Variants in TANC1 observed in about 807,000 individuals in gnomAD.
TANC1 encodes protein TANC1.
In TANC1, 77 loss-of-function variants were observed where a neutral mutation model predicts 149.7. That is an observed-to-expected ratio of 0.51 (90% CI 0.43 to 0.62). The LOEUF is 0.62. Ranked by LOEUF, TANC1 falls within the 20% of genes least tolerant of loss-of-function variation. TANC1 has a pLI of 0.00. For synonymous variants in TANC1, 854 were observed against 925.0 expected, an observed-to-expected ratio of 0.92 and a Z score of 1.39; for missense variants, 1,985 against 2,321.8, an observed-to-expected ratio of 0.85 and a Z score of 2.98.
intron 1 of TANC1, among the ~76,000 whole-genome samples, chr2:158,989,082 A>G (rs964697301): frequency 6.6e-6 from 1 of 152,092 alleles, no homozygotes; most frequent in Admixed American, 6.5e-5. Flanking sequence ...ACACTGGGGG[A>G]AATAAGCCTC....
chr2:159,149,657 G>T, intron 6 of TANC1: 1 of 221,412 alleles, frequency 4.5e-6, no homozygotes, highest in Non-Finnish European at 9.0e-6. Context: ...GATTTTGGAG[G>T]GTCAGTGGGG....
In TANC1 at chr2:159,176,436, C is replaced by A. The variant is rs779235541; in HGVS notation, c.1820C>A (p.Thr607Lys). The part of the protein sequence containing the change: ...AEFHKPDYGD[T>K]LSSFITKIIS... Reference sequence around the variant, plus strand: ...TTTCATAAACCTGATTATGGAGATACGCTTTCTTCATTTATTACCAAAATT... The same window carrying A: ...TTTCATAAACCTGATTATGGAGATAAGCTTTCTTCATTTATTACCAAAATT... The change falls in exon 13 of 27, where the codon ACG (threonine) becomes AAG (lysine). Residue 607 changes from threonine to lysine, a missense_variant. Around this residue, in one of 3 missense-constraint regions of TANC1, gnomAD observed 508 missense variants for 714.2 expected, o/e 0.71. Coordinates refer to ENST00000263635, the MANE Select transcript of TANC1 (RefSeq NM_033394.3). The A allele has an allele frequency of 6.3e-7, 1 of 1,591,880 alleles. No individual in the cohort carries two copies. The highest frequency in any genetic ancestry group is 2.3e-5 in the East Asian group (1 of 44,222).
intron 14 of TANC1, 59 bp downstream of exon 14, chr2:159,179,222 G>A: frequency 6.5e-7 from 1 of 1,545,898 alleles, no homozygotes; most frequent in Non-Finnish European, 8.7e-7. Flanking sequence ...GTTGGGGAAA[G>A]GATTTAAATG....
chr2:159,158,598 A>G (rs1449062063), intron 7 of TANC1, among the ~76,000 whole-genome samples: 2 of 152,232 alleles, frequency 1.3e-5, no homozygotes, highest in African/African-American at 4.8e-5. Context: ...CTCAAAACAG[A>G]CATGTAATAA....
At chr2:158,983,294 C>T (rs1324124001) in intron 1 of TANC1, among the ~76,000 whole-genome samples, 2 of 151,676 alleles carry the variant, frequency 1.3e-5, no homozygotes, top group South Asian at 2.1e-4. Context: ...AGTGAAACCC[C>T]GTCTCTACTA....
At chr2:159,115,397 G>A (rs1273122570) in intron 4 of TANC1, among the ~76,000 whole-genome samples, 5 of 152,184 alleles carry the variant, frequency 3.3e-5, no homozygotes, top group Non-Finnish European at 7.3e-5. Context: ...TAACTCTGCA[G>A]GGGAATGTGC....
chr2:159,172,095 A>G (rs367808181), intron 10 of TANC1, 26 bp from the exon 11 acceptor site: 11 of 1,610,112 alleles, frequency 6.8e-6, no homozygotes, highest in South Asian at 6.6e-5. Context: ...TGTGATGTAC[A>G]TAATGAAATG....
chr2:159,067,754 T>G (rs1230358222), intron 3 of TANC1, among the ~76,000 whole-genome samples: 1 of 152,198 alleles, frequency 6.6e-6, no homozygotes, highest in African/African-American at 2.4e-5. Context: ...TCCCCAAGCC[T>G]AAACTCACCA....
intron 3 of TANC1, among the ~76,000 whole-genome samples, chr2:159,073,370 T>C (rs2043334362): frequency 6.6e-6 from 1 of 152,180 alleles, no homozygotes; most frequent in Non-Finnish European, 1.5e-5. Context: ...GTGGGGGGCA[T>C]ACTTGGAGAA....
In TANC1 at chr2:159,138,627, C is replaced by T. The variant is rs986305024; in HGVS notation, c.364+2329C>T. On this transcript the variant is annotated intron_variant, in intron 5 of 26. Transcript: ENST00000263635. ...CCTCATTTTTAGGGTTTAATATCAG[C>T]ATCATCACTTAAGTTTTACTTTAAA... is the stretch of plus-strand genomic sequence containing the variant. 4.6e-5 allele frequency among the ~76,000 whole-genome samples: 7 copies of T among 152,150 alleles called. No individual in the cohort carries two copies. In the East Asian group the frequency reaches 1.2e-3, roughly 25 times the overall value.
At chr2:158,993,038 G>A (rs2035819867) in intron 1 of TANC1, among the ~76,000 whole-genome samples, 1 of 152,102 alleles carries the variant, frequency 6.6e-6, no homozygotes, top group Non-Finnish European at 1.5e-5. Flanking sequence ...ATTAGAATCA[G>A]GGCAGAGAGA....
intron 2 of TANC1, among the ~76,000 whole-genome samples, chr2:159,019,639 C>T (rs1463433497): frequency 7.7e-6 from 1 of 129,270 alleles, no homozygotes; most frequent in African/African-American, 2.8e-5. Flanking sequence ...CTAACTGCAG[C>T]TTGCTTTCTT....
rs775279869 is a variant in TANC1, at chr2:159,230,869, CAA to C, written c.5444_5445del (p.Gln1815ArgfsTer6). On this transcript the variant is annotated frameshift_variant, in exon 27 of 27. Transcript: ENST00000263635. LOFTEE classifies it high-confidence loss of function. This position sits in a 1 kb window ranked among gnomAD's most constrained non-coding sequence, Gnocchi z 4.4. ...ESKCQIPVHS[Q>X]ENRITKTVSH... ...CAAGTGCCAAATTCCAGTCCACTCT[CAA>C]GAGAACAGGATAACTAAGACTGTTT... The C allele has an allele frequency of 6.8e-6, 11 of 1,614,072 alleles. No homozygotes were observed. Among genetic ancestry groups the C allele is most frequent in the African/African-American group, 2.7e-5 (2 of 74,928 alleles).
At chr2:159,130,823 G>C (rs1042447191) in intron 4 of TANC1, among the ~76,000 whole-genome samples, 7 of 152,132 alleles carry the variant, frequency 4.6e-5, no homozygotes, top group African/African-American at 9.7e-5. Context: ...TGGGACTACA[G>C]GCGTGCACCA....
chr2:159,122,033 G>A (rs2048901319), intron 4 of TANC1, among the ~76,000 whole-genome samples: 1 of 152,170 alleles, frequency 6.6e-6, no homozygotes, highest in South Asian at 2.1e-4. Flanking sequence ...AACCTCCCAG[G>A]TTGAAGTAAT....
chr2:159,182,151 G>A (rs1298122071), intron 14 of TANC1, among the ~76,000 whole-genome samples: 2 of 152,106 alleles, frequency 1.3e-5, no homozygotes, highest in Admixed American at 6.5e-5. Flanking sequence ...GAAGGTTGCA[G>A]TGAGTCGAGA....
chr2:159,075,416 C>CA (rs55932985), intron 3 of TANC1, among the ~76,000 whole-genome samples: 31,978 of 143,798 alleles, frequency 0.22, 3,692 homozygotes, highest in South Asian at 0.38. Context: ...AAAAAAAAAA[C>CA]AAAAAAAAAA....
chr2:159,196,147 G>T (rs1416198017), intron 17 of TANC1, among the ~76,000 whole-genome samples: 1 of 152,212 alleles, frequency 6.6e-6, no homozygotes, highest in African/African-American at 2.4e-5. Flanking sequence ...ACACTCAGCT[G>T]TTTTTCCACA....
At chr2:159,076,776 G>A (rs970127669) in intron 3 of TANC1, among the ~76,000 whole-genome samples, 5 of 152,156 alleles carry the variant, frequency 3.3e-5, no homozygotes, top group African/African-American at 1.2e-4. Context: ...ACCCAAAGTC[G>A]TATAGCTAGT....
Sources: allele counts gnomAD v4.1 joint callset (sites outside exome capture counted in the v4.1 genomes callset), GRCh38; gene constraint gnomAD v4.1.1; regional missense constraint gnomAD v4.1.1; non-coding constraint Gnocchi (gnomAD v3.1); transcripts MANE v1.5; gene names NCBI Gene and HGNC (gene_info 2026-07-23, HGNC 2026-07-21).